Variants in NALF2 observed in about 807,000 individuals in gnomAD.
NALF2 encodes NALCN channel auxiliary factor 2.
NALF2 carries 1 observed loss-of-function variant against 24.8 expected under a neutral mutation model. The observed-to-expected ratio is 0.04, with a 90% CI of 0.01 to 0.19. NALF2 has a LOEUF of 0.19. Ranked by LOEUF, NALF2 falls within the 10% of genes least tolerant of loss-of-function variation. The pLI is 1.00. For missense variants in NALF2, 458 were observed against 409.6 expected, an observed-to-expected ratio of 1.12 and a Z score of -1.02; for synonymous variants, 254 against 189.8, an observed-to-expected ratio of 1.34 and a Z score of -2.78.
chrX:69,510,604 G>C (rs772462334), intron 1 of NALF2, among the ~76,000 whole-genome samples: 92 of 112,156 alleles, frequency 8.2e-4, no homozygotes, highest in Middle Eastern at 4.6e-3. Flanking sequence ...TAGAGCCAGA[G>C]AGGTACCCTG....
Position 69,504,987 on chromosome X carries a change from C to T in NALF2, c.-296C>T, listed in dbSNP as rs1217756479. On this transcript the variant is annotated 5_prime_UTR_variant, in exon 1 of 3. Coordinates refer to ENST00000252338, the MANE Select transcript of NALF2 (RefSeq NM_015686.3). ...GCGGCGCCGCCGCCGCAGCCGCCAC[C>T]GCCCCAGTGCCCCGCACCGCCCCCA... 7.5e-5 allele frequency among the ~76,000 whole-genome samples: 8 copies of T among 107,040 alleles called. No homozygotes were observed. The South Asian group carries it at 2.3e-3, about 31-fold the overall frequency. 93.0% of individuals were successfully genotyped at this position (107,040 alleles called of 115,157 possible).
chrX:69,510,090 C>A (rs1010506078), intron 1 of NALF2, among the ~76,000 whole-genome samples: 4 of 112,472 alleles, frequency 3.6e-5, no homozygotes, highest in Non-Finnish European at 7.5e-5. Flanking sequence ...GTGTCTGGCC[C>A]GATACAGGTG....
At chrX:69,525,634 C>T (rs1281440675) in intron 1 of NALF2, among the ~76,000 whole-genome samples, 1 of 109,639 alleles carries the variant, frequency 9.1e-6, no homozygotes, top group Non-Finnish European at 1.9e-5. Flanking sequence ...CTCTTTCTTA[C>T]CGCTTCCTCT....
At chrX:69,508,179 A>G (rs1930523481) in intron 1 of NALF2, among the ~76,000 whole-genome samples, 1 of 111,677 alleles carries the variant, frequency 9.0e-6, no homozygotes. Flanking sequence ...GTGCAGATGT[A>G]TTTTGTAATA....
At chrX:69,518,405 CTA>C (rs1024085258) in intron 1 of NALF2, among the ~76,000 whole-genome samples, 3 of 109,670 alleles carry the variant, frequency 2.7e-5, no homozygotes, top group African/African-American at 3.3e-5. Flanking sequence ...CATGTACAAG[CTA>C]TATATATATA....
At chrX:69,509,423 C>T (rs1930547378) in intron 1 of NALF2, among the ~76,000 whole-genome samples, 4 of 110,585 alleles carry the variant, frequency 3.6e-5, no homozygotes, top group Admixed American at 1.9e-4. Flanking sequence ...AACATTCAGA[C>T]TAGGGGGAGT....
Position 69,505,506 on chromosome X carries a change from G to C in NALF2, c.224G>C (p.Ser75Thr). Residue 75 changes from serine (S) to threonine (T), a missense_variant, in exon 1 of 3, where the codon AGC becomes ACC. Coordinates refer to ENST00000252338, the MANE Select transcript of NALF2 (RefSeq NM_015686.3). ...GCCCGGCCCCGGGCCAGGGAGCTGA[G>C]CAGCGCCATGCGGCCCCCATGGGGG... ...AGARPRAREL[S>T]SAMRPPWGAG... The C allele has an allele frequency of 9.9e-7, 1 of 1,012,801 alleles. No homozygotes were observed. The highest frequency in any genetic ancestry group is 1.2e-6 in the Non-Finnish European group (1 of 805,530). The allele number at this position is 1,012,801 out of a possible 1,213,427, so 83.5% of individuals were successfully genotyped here.
At chrX:69,514,147 G>A (rs542414937) in intron 1 of NALF2, among the ~76,000 whole-genome samples, 9 of 108,126 alleles carry the variant, frequency 8.3e-5, no homozygotes, top group South Asian at 8.4e-4. Context: ...CTGAGATCGC[G>A]TCACTGCACT....
rs1268170080 is a variant in NALF2 at position 69,504,326 on chromosome X, C to T, written c.-957C>T. On this transcript the variant is annotated 5_prime_UTR_variant, in exon 1 of 3. Transcript: ENST00000252338. ...CTGAGGCGCAGGCGCAGTCGGGGCA[C>T]CAGTCCCGCTCCCTCCTCCTCTCCG... Among the ~76,000 whole-genome samples the T allele has an allele frequency of 8.9e-6, 1 of 112,222 alleles. No individual in the cohort carries two copies. The highest frequency in any genetic ancestry group is 3.2e-5 in the African/African-American group (1 of 30,930).
chrX:69,512,367 G>C (rs1447426118), intron 1 of NALF2, among the ~76,000 whole-genome samples: 2 of 111,654 alleles, frequency 1.8e-5, no homozygotes, highest in African/African-American at 6.5e-5. Context: ...GGGAGGGCAA[G>C]GGCACCAGGC....
chrX:69,530,628 A>T lies in NALF2; in HGVS notation c.*672A>T. Reference sequence around the variant, plus strand: ...TGGTGAAAGAGAGTGGAGATACGGAAGGGGGAGAGGAGAGGAGAAATGTGG... The same window carrying T: ...TGGTGAAAGAGAGTGGAGATACGGATGGGGGAGAGGAGAGGAGAAATGTGG... On this transcript the variant is annotated 3_prime_UTR_variant, in exon 3 of 3. Transcript: ENST00000252338. 1 of 114,241 alleles carries T rather than the reference A, an allele frequency of 8.8e-6. No homozygotes were observed. The allele number at this position is 114,241 out of a possible 1,213,427, so 9.4% of individuals were successfully genotyped here. A position where few individuals can be genotyped will look rare whatever the true frequency, so the allele number is the denominator to read the frequency against.
chrX:69,520,192 TAACA>T (rs908103776), intron 1 of NALF2, among the ~76,000 whole-genome samples: 5 of 112,114 alleles, frequency 4.5e-5, no homozygotes, highest in African/African-American at 6.5e-5. Flanking sequence ...TATGCTCTGG[TAACA>T]AACAACCCCC....
rs1930918822 is a variant in NALF2, at chrX:69,532,379, T to TA, written c.*2424dup. The stretch of plus-strand genomic sequence containing the variant: ...ATTCAGTTGTCTCTGCCCTCCCTCT[T>TA]ACCCTGCCTCTGTGTTTCGGTGAGA... On this transcript the variant is annotated 3_prime_UTR_variant, in exon 3 of 3. Coordinates refer to ENST00000252338, the MANE Select transcript of NALF2 (RefSeq NM_015686.3). 1 of 112,374 alleles carries TA rather than the reference T, an allele frequency of 8.9e-6. No individual in the cohort carries two copies. The highest frequency in any genetic ancestry group is 3.2e-5 in the African/African-American group (1 of 30,812). The allele number at this position is 112,374 out of a possible 1,213,427, so 9.3% of individuals were successfully genotyped here.
chrX:69,506,229 C>T, intron 1 of NALF2, 86 bp downstream of exon 1: 2 of 1,017,901 alleles, frequency 2.0e-6, no homozygotes, highest in Non-Finnish European at 1.3e-6. Context: ...GGAAGTCTCC[C>T]TTTCTACCCA....
At chrX:69,523,275 G>A (rs753214817) in intron 1 of NALF2, among the ~76,000 whole-genome samples, 3 of 112,712 alleles carry the variant, frequency 2.7e-5, no homozygotes, top group South Asian at 3.7e-4. Flanking sequence ...CAAGGAGCTC[G>A]GTATGGCCTC....
intron 1 of NALF2, among the ~76,000 whole-genome samples, chrX:69,518,821 G>C (rs1930697535): frequency 1.8e-5 from 2 of 111,993 alleles, no homozygotes; most frequent in African/African-American, 6.5e-5. Context: ...GTTTTCTTCT[G>C]ATATTTACCT....
rs41306119 is a variant in NALF2, at chrX:69,530,415, A to G, written c.*459A>G. 0.032 allele frequency: 3,812 copies of G among 119,394 alleles called. 65 individuals carry two copies. The highest frequency in any genetic ancestry group is 0.05 in the Non-Finnish European group (2,916 of 57,934). The allele number at this position is 119,394 out of a possible 1,213,427, so 9.8% of individuals were successfully genotyped here. On this transcript the variant is annotated 3_prime_UTR_variant, in exon 3 of 3. Transcript: ENST00000252338. ...TTAATTCCCTCCTGCCCATATCCCTACAGGCGACGGCAGACAGTGCAATGG... is the reference window on the plus strand; with the variant it reads ...TTAATTCCCTCCTGCCCATATCCCTGCAGGCGACGGCAGACAGTGCAATGG...
intron 1 of NALF2, among the ~76,000 whole-genome samples, chrX:69,517,781 G>A (rs1408291901): frequency 8.9e-6 from 1 of 112,042 alleles, no homozygotes; most frequent in Non-Finnish European, 1.9e-5. Context: ...CAAAGCCCTT[G>A]ATTTACCTCA....
intron 1 of NALF2, among the ~76,000 whole-genome samples, chrX:69,528,569 C>T (rs1930842633): frequency 8.9e-6 from 1 of 112,568 alleles, no homozygotes; most frequent in Non-Finnish European, 1.9e-5. Flanking sequence ...AAACTCAATA[C>T]CATCAGCCAA....
Sources: allele counts gnomAD v4.1 joint callset (sites outside exome capture counted in the v4.1 genomes callset), GRCh38; gene constraint gnomAD v4.1.1; transcripts MANE v1.5; gene names NCBI Gene and HGNC (gene_info 2026-07-23, HGNC 2026-07-21).